The following HEMK2 variants were observed in gnomAD, a reference collection of about 807,000 sequenced individuals.
HEMK2 encodes the protein methyltransferase HEMK2.
chr21:28,817,381 A>G, the HEMK2 span, among the ~76,000 whole-genome samples: 3 of 152,254 alleles, frequency 2.0e-5, no homozygotes, highest in Admixed American at 6.5e-5. Flanking sequence ...AATAAATTGT[A>G]GAAAACAAAG....
At chr21:28,814,882 A>T in the HEMK2 span, among the ~76,000 whole-genome samples, 5 of 152,182 alleles carry the variant, frequency 3.3e-5, no homozygotes, top group Admixed American at 3.3e-4. Context: ...ATTACTGGGT[A>T]TATACCCAAA....
chr21:28,798,172 A>G, the HEMK2 span, among the ~76,000 whole-genome samples: 1 of 152,190 alleles, frequency 6.6e-6, no homozygotes, highest in Non-Finnish European at 1.5e-5. Context: ...CACGGAGTAT[A>G]GACAGGTTCC....
chr21:28,811,983 A>C, the HEMK2 span, among the ~76,000 whole-genome samples: 14 of 152,208 alleles, frequency 9.2e-5, no homozygotes, highest in Non-Finnish European at 2.1e-4. Flanking sequence ...TTCATCAGAA[A>C]GGTGGAAAAA....
At chr21:28,721,939 T>C in the HEMK2 span, among the ~76,000 whole-genome samples, 55,489 of 121,738 alleles carry the variant, frequency 0.46, 11,238 homozygotes, top group East Asian at 0.74. Flanking sequence ...CACACACACA[T>C]ACACCTATTT....
At chr21:28,639,246 G>A in the HEMK2 span, among the ~76,000 whole-genome samples, 1 of 152,180 alleles carries the variant, frequency 6.6e-6, no homozygotes, top group African/African-American at 2.4e-5. Context: ...CCAAAAGAAA[G>A]ATAGAAACTA....
chr21:28,882,271 A>G, the HEMK2 span: 1 of 1,579,528 alleles, frequency 6.3e-7, no homozygotes, highest in South Asian at 1.1e-5. Context: ...AAATGGAAGG[A>G]AACTATATCC....
At chr21:28,883,879 G>A in the HEMK2 span, among the ~76,000 whole-genome samples, 1 of 152,200 alleles carries the variant, frequency 6.6e-6, no homozygotes, top group Admixed American at 6.5e-5. Context: ...ACGAACCACA[G>A]TGCCAGCCCT....
the HEMK2 span, among the ~76,000 whole-genome samples, chr21:28,869,303 T>A: frequency 6.6e-6 from 1 of 152,248 alleles, no homozygotes; most frequent in South Asian, 2.1e-4. Context: ...GTTACATTCC[T>A]GGGATAAACT....
chr21:28,747,586 T>C, the HEMK2 span, among the ~76,000 whole-genome samples: 1 of 152,232 alleles, frequency 6.6e-6, no homozygotes. Context: ...CCTACCCCAC[T>C]ACCTGTTTAA....
chr21:28,588,029 TTC>T, the HEMK2 span, among the ~76,000 whole-genome samples: 2 of 152,212 alleles, frequency 1.3e-5, no homozygotes, highest in African/African-American at 4.8e-5. Flanking sequence ...TGCAGGGGTG[TTC>T]TCTCTTCTTC....
At chr21:28,654,248 A>G in the HEMK2 span, among the ~76,000 whole-genome samples, 1 of 152,168 alleles carries the variant, frequency 6.6e-6, no homozygotes, top group Non-Finnish European at 1.5e-5. Context: ...CCATATCCTT[A>G]TAGGCCATTA....
At chr21:28,781,831 A>T in the HEMK2 span, among the ~76,000 whole-genome samples, 1 of 152,188 alleles carries the variant, frequency 6.6e-6, no homozygotes. Context: ...GTCTGGCCCA[A>T]TGTCAGACAT....
chr21:28,756,719 G>C, the HEMK2 span, among the ~76,000 whole-genome samples: 1 of 152,142 alleles, frequency 6.6e-6, no homozygotes, highest in African/African-American at 2.4e-5. Flanking sequence ...TAAAACAATA[G>C]TACTAATGGT....
the HEMK2 span, among the ~76,000 whole-genome samples, chr21:28,815,906 A>G: frequency 7.2e-6 from 1 of 138,726 alleles, no homozygotes; most frequent in Non-Finnish European, 1.6e-5. Context: ...TGTAACCCCT[A>G]GTACCTCAAA....
At chr21:28,843,466 G>A in the HEMK2 span, among the ~76,000 whole-genome samples, 1 of 152,074 alleles carries the variant, frequency 6.6e-6, no homozygotes, top group Non-Finnish European at 1.5e-5. Flanking sequence ...ACCATATTAA[G>A]TCCTTATCCG....
At chr21:28,678,465 A>G in the HEMK2 span, among the ~76,000 whole-genome samples, 1 of 152,138 alleles carries the variant, frequency 6.6e-6, no homozygotes, top group South Asian at 2.1e-4. Flanking sequence ...GCTGGAAAAC[A>G]CTCTGCAGGA....
At chr21:28,764,998 C>T in the HEMK2 span, among the ~76,000 whole-genome samples, 1 of 152,038 alleles carries the variant, frequency 6.6e-6, no homozygotes, top group Non-Finnish European at 1.5e-5. Flanking sequence ...GTAGGCAGGA[C>T]CTGTGACTTG....
the HEMK2 span, among the ~76,000 whole-genome samples, chr21:28,862,809 C>T: frequency 6.6e-6 from 1 of 152,176 alleles, no homozygotes; most frequent in African/African-American, 2.4e-5. Context: ...TTTCCTTTCT[C>T]CTTTATCATG....
At chr21:28,881,573 G>A in the HEMK2 span, among the ~76,000 whole-genome samples, 1 of 150,762 alleles carries the variant, frequency 6.6e-6, no homozygotes, top group African/African-American at 2.4e-5. Flanking sequence ...ATAAGAAAAA[G>A]ATGTCTATAG....
Sources: gnomAD v4.1 joint callset for allele counts (sites outside exome capture counted in the v4.1 genomes callset) on GRCh38, gnomAD v4.1.1 for gene constraint, MANE v1.5 for transcripts, NCBI Gene and HGNC (gene_info 2026-07-23, HGNC 2026-07-21) for gene names.